Variants in SYNDIG1L observed in about 807,000 individuals in gnomAD.
SYNDIG1L encodes the protein synapse differentiation-inducing gene protein 1-like.
Under a neutral mutation model 20.1 loss-of-function variants are expected in SYNDIG1L, and 13 were observed. The observed-to-expected ratio is 0.65, with a 90% CI of 0.42 to 1.03. The LOEUF is 1.03. SYNDIG1L is among the 50% of genes least tolerant of loss of function. SYNDIG1L has a pLI of 0.00. For missense variants in SYNDIG1L, 294 were observed against 305.1 expected (o/e 0.96, Z 0.27); for synonymous variants, 128 against 129.3 (o/e 0.99, Z 0.07).
intron 2 of SYNDIG1L, 66 bp from the exon 3 acceptor site, chr14:74,408,055 GT>G (rs2086099010): frequency 6.6e-7 from 1 of 1,516,450 alleles, no homozygotes; most frequent in African/African-American, 1.4e-5. Flanking sequence ...CTGGCAAGAG[GT>G]TTTTTAAAAG....
At chr14:74,433,949 G>A in the SYNDIG1L span, among the ~76,000 whole-genome samples, 1 of 152,040 alleles carries the variant, frequency 6.6e-6, no homozygotes, top group Non-Finnish European at 1.5e-5. Context: ...AAAAAATAGG[G>A]CAATGGGTAC....
upstream of SYNDIG1L, among the ~76,000 whole-genome samples, chr14:74,426,388 G>C (rs1326305959): frequency 3.9e-5 from 6 of 152,006 alleles, no homozygotes; most frequent in Non-Finnish European, 7.4e-5. Context: ...GCGGCGAAGC[G>C]AGGGGCGCGC....
chr14:74,477,146 C>CACAT, the SYNDIG1L span, among the ~76,000 whole-genome samples: 1 of 151,702 alleles, frequency 6.6e-6, no homozygotes, highest in African/African-American at 2.4e-5. Context: ...CACACACACA[C>CACAT]ACCCTCGCCT....
chr14:74,407,328 C>T lies in SYNDIG1L; in HGVS notation c.*207G>A, dbSNP rs1007278417. 1.7e-5 allele frequency: 12 copies of T among 705,748 alleles called. No homozygotes were observed. In the African/African-American group the frequency reaches 2.0e-4, roughly 12 times the overall value. The allele number at this position is 705,748 out of a possible 1,614,324, so 43.7% of individuals were successfully genotyped here. A position where few individuals can be genotyped will look rare whatever the true frequency, so the allele number is the denominator to read the frequency against. On this transcript the variant is annotated 3_prime_UTR_variant, in exon 4 of 4. Transcript: ENST00000331628. ...CTGTAGCCTGGGTTAGAGAGTGGCG[C>T]CCCGGGCCCTGCTCTGGGGCTGGGA...
At chr14:74,419,409 G>A (rs2086203737) in intron 1 of SYNDIG1L, among the ~76,000 whole-genome samples, 1 of 152,206 alleles carries the variant, frequency 6.6e-6, no homozygotes, top group African/African-American at 2.4e-5. Flanking sequence ...ATGAATGAAT[G>A]AGTGAATTAG....
the SYNDIG1L span, among the ~76,000 whole-genome samples, chr14:74,447,145 CA>C: frequency 6.6e-6 from 1 of 152,000 alleles, no homozygotes; most frequent in Admixed American, 6.6e-5. Context: ...AAATACTAAC[CA>C]AAAACCTCTG....
the SYNDIG1L span, among the ~76,000 whole-genome samples, chr14:74,478,368 TGAA>T: frequency 1.3e-5 from 2 of 152,210 alleles, no homozygotes; most frequent in Non-Finnish European, 2.9e-5. Flanking sequence ...GTTTCAAATT[TGAA>T]GAATAAGTGG....
chr14:74,419,447 C>T (rs1435754084), intron 1 of SYNDIG1L, among the ~76,000 whole-genome samples: 1 of 152,174 alleles, frequency 6.6e-6, no homozygotes, highest in Admixed American at 6.5e-5. Flanking sequence ...TGTACTGAGA[C>T]TCTCTGGGAA....
At chr14:74,407,790 C>T (rs781089789) in intron 3 of SYNDIG1L, 59 bp downstream of exon 3, 3 of 1,579,428 alleles carry the variant, frequency 1.9e-6, no homozygotes, top group Non-Finnish European at 2.6e-6. Context: ...AGACGGGATG[C>T]CAAGCCCTCC....
chr14:74,406,239 C>A lies in SYNDIG1L; in HGVS notation c.*1296G>T, dbSNP rs868865665. On this transcript the variant is annotated 3_prime_UTR_variant, in exon 4 of 4. Transcript: ENST00000331628. ...TGAGCAGAGATATCAGTGAAGATGC[C>A]CCAGGGGTAACCAGGTACCCACCAC... 11 of 396,904 alleles carry A rather than the reference C, an allele frequency of 2.8e-5. No individual in the cohort carries two copies. The highest frequency in any genetic ancestry group is 4.4e-5 in the Non-Finnish European group (10 of 225,658). 24.6% of individuals were successfully genotyped at this position (396,904 alleles called of 1,614,324 possible).
At chr14:74,441,874 A>G in the SYNDIG1L span, among the ~76,000 whole-genome samples, 1 of 152,176 alleles carries the variant, frequency 6.6e-6, no homozygotes, top group Non-Finnish European at 1.5e-5. Context: ...TTCCAAGAGT[A>G]TGCAGATATA....
the SYNDIG1L span, among the ~76,000 whole-genome samples, chr14:74,435,414 A>G: frequency 6.6e-6 from 1 of 152,250 alleles, no homozygotes; most frequent in Non-Finnish European, 1.5e-5. Flanking sequence ...AAGATCTTCA[A>G]GAATCTTCTG....
At chr14:74,432,144 T>TGTGC in the SYNDIG1L span, among the ~76,000 whole-genome samples, 2 of 113,660 alleles carry the variant, frequency 1.8e-5, no homozygotes, top group African/African-American at 8.2e-5. Flanking sequence ...TTGGAAGGTG[T>TGTGC]GTGTGTGTGT....
chr14:74,451,839 A>C, the SYNDIG1L span, among the ~76,000 whole-genome samples: 1 of 151,918 alleles, frequency 6.6e-6, no homozygotes, highest in Non-Finnish European at 1.5e-5. Context: ...AAAATACAAA[A>C]ATTAGCTGGG....
chr14:74,476,450 C>T, the SYNDIG1L span: 1 of 1,302,988 alleles, frequency 7.7e-7, no homozygotes, highest in Non-Finnish European at 1.1e-6. Flanking sequence ...CGTCCTTCTC[C>T]AAGCCCCTGC....
At chr14:74,417,641 G>GGCAGA (rs1277643404) in intron 1 of SYNDIG1L, among the ~76,000 whole-genome samples, 1 of 107,762 alleles carries the variant, frequency 9.3e-6, no homozygotes, top group Non-Finnish European at 1.9e-5. Flanking sequence ...ATTAAACAGT[G>GGCAGA]GAGAGACTGG....
chr14:74,457,211 C>T, the SYNDIG1L span, among the ~76,000 whole-genome samples: 3 of 152,218 alleles, frequency 2.0e-5, no homozygotes, highest in South Asian at 2.1e-4. Flanking sequence ...CTCCACAAGG[C>T]GTCACCCCAC....
the SYNDIG1L span, among the ~76,000 whole-genome samples, chr14:74,444,225 A>C: frequency 6.6e-6 from 1 of 151,760 alleles, no homozygotes; most frequent in African/African-American, 2.4e-5. Context: ...ACACCTGGCT[A>C]ATTTTTGTAC....
the SYNDIG1L span, among the ~76,000 whole-genome samples, chr14:74,453,541 T>C: frequency 1.8e-3 from 272 of 152,158 alleles, no homozygotes; most frequent in African/African-American, 6.3e-3. Context: ...CATGGGTATA[T>C]AGATACATAA....
Sources: gnomAD v4.1 joint callset for allele counts (sites outside exome capture counted in the v4.1 genomes callset) on GRCh38, gnomAD v4.1.1 for gene constraint, MANE v1.5 for transcripts, NCBI Gene and HGNC (gene_info 2026-07-23, HGNC 2026-07-21) for gene names.